The following FARS2 variants were observed in gnomAD, a reference collection of about 807,000 sequenced individuals.
FARS2 encodes the protein phenylalanyl-tRNA synthetase 2, mitochondrial, also known as phenylalanine--tRNA ligase, mitochondrial.
Under a neutral mutation model 46.4 loss-of-function variants are expected in FARS2, and 40 were observed. The observed-to-expected ratio is 0.86, with a 90% CI of 0.67 to 1.12. FARS2 has a LOEUF of 1.12. Ranked by LOEUF, FARS2 falls within the 50% of genes most tolerant of loss-of-function variation. FARS2 has a pLI of 0.00. For synonymous variants in FARS2, 234 were observed against 214.9 expected (o/e 1.09, Z -0.78); for missense variants, 513 against 567.9 (o/e 0.90, Z 0.98).
At chr6:5,566,399 A>G (rs1772326053) in intron 5 of FARS2, among the ~76,000 whole-genome samples, 2 of 152,150 alleles carry the variant, frequency 1.3e-5, no homozygotes, top group African/African-American at 4.8e-5. Flanking sequence ...AAACCATCAG[A>G]TAACACAAGC....
At chr6:5,290,662 C>T (rs994368678) in intron 1 of FARS2, among the ~76,000 whole-genome samples, 1 of 152,188 alleles carries the variant, frequency 6.6e-6, no homozygotes, top group African/African-American at 2.4e-5. Context: ...GGTAGTATTT[C>T]CCTTTTATCC....
chr6:5,318,387 C>CAAA (rs753113504), intron 1 of FARS2, among the ~76,000 whole-genome samples: 9,926 of 76,544 alleles, frequency 0.13, 540 homozygotes, highest in African/African-American at 0.2. Context: ...AAAAAAAAAC[C>CAAA]AAAAAAAAAA....
chr6:5,633,262 CTTTTTTTTTTTT>C (rs59797062), intron 6 of FARS2, among the ~76,000 whole-genome samples: 100 of 50,084 alleles, frequency 2.0e-3, no homozygotes, highest in African/African-American at 6.7e-3. Flanking sequence ...CCATCCCTGG[CTTTTTTTTTTTT>C]TTTTTTTTTT....
the FARS2 span, among the ~76,000 whole-genome samples, chr6:5,253,830 G>T: frequency 1.8e-5 from 1 of 54,426 alleles, no homozygotes; most frequent in Non-Finnish European, 3.1e-5. Context: ...GCCTCATGCT[G>T]AGCAAAAAAA....
At chr6:5,350,104 G>A (rs916054498) in intron 1 of FARS2, among the ~76,000 whole-genome samples, 1 of 151,616 alleles carries the variant, frequency 6.6e-6, no homozygotes, top group African/African-American at 2.4e-5. Context: ...GAATCAGCAA[G>A]GTTTGTTCGT....
rs760857089 is a variant in FARS2, at chr6:5,474,663, G to GTTTTTT, written c.904+43503_904+43508dup. ...AAAGGTACAATAAAAATACAGTACT[G>GTTTTTT]TTTTTTTTTTTTTTTTTGAGACAGT... On this transcript the variant is annotated intron_variant, in intron 4 of 6. Transcript: ENST00000274680. Among the ~76,000 whole-genome samples the GTTTTTT allele has an allele frequency of 8.5e-4, 114 of 133,916 alleles. 3 individuals are homozygous for GTTTTTT. Among genetic ancestry groups the GTTTTTT allele is most frequent in the Non-Finnish European group, 1.1e-3 (70 of 64,306 alleles). 87.9% of individuals were successfully genotyped at this position (133,916 alleles called of 152,430 possible).
intron 4 of FARS2, among the ~76,000 whole-genome samples, chr6:5,508,836 G>A (rs1443288147): frequency 6.6e-6 from 1 of 152,146 alleles, no homozygotes; most frequent in East Asian, 1.9e-4. Flanking sequence ...TTGAATCATA[G>A]TACTATCATT....
intron 6 of FARS2, among the ~76,000 whole-genome samples, chr6:5,749,473 C>G (rs950025741): frequency 6.3e-4 from 96 of 152,300 alleles, no homozygotes; most frequent in African/African-American, 2.1e-3. Flanking sequence ...CAGCCAGGGG[C>G]TTCTGTGTCA....
chr6:5,620,254 G>A (rs1417993926), intron 6 of FARS2, among the ~76,000 whole-genome samples: 7 of 152,054 alleles, frequency 4.6e-5, no homozygotes, highest in Admixed American at 6.6e-5. Context: ...AATATCTCCA[G>A]TGCCCCCTTG....
chr6:5,266,417 G>A (rs1242852893), intron 1 of FARS2, among the ~76,000 whole-genome samples: 2 of 152,146 alleles, frequency 1.3e-5, no homozygotes, highest in East Asian at 3.8e-4. Flanking sequence ...TGTAATCCCA[G>A]CACTGTGGGA....
intron 5 of FARS2, among the ~76,000 whole-genome samples, chr6:5,590,569 C>T (rs1029896693): frequency 1.2e-4 from 18 of 152,208 alleles, no homozygotes; most frequent in African/African-American, 4.1e-4. Flanking sequence ...CCCAGCATAG[C>T]ATCTGTTGAT....
At chr6:5,752,627 A>G (rs1009059993) in intron 6 of FARS2, among the ~76,000 whole-genome samples, 10 of 152,308 alleles carry the variant, frequency 6.6e-5, no homozygotes, top group Middle Eastern at 3.4e-3. Flanking sequence ...AGTTAGAAAC[A>G]TGCTTTCCCC....
intron 1 of FARS2, among the ~76,000 whole-genome samples, chr6:5,331,357 G>A (rs912404173): frequency 2.0e-5 from 3 of 152,154 alleles, no homozygotes; most frequent in Non-Finnish European, 2.9e-5. Context: ...AACCGGAGCC[G>A]TGGATCACAT....
At chr6:5,363,195 G>A (rs1221860854) in intron 1 of FARS2, among the ~76,000 whole-genome samples, 1 of 151,492 alleles carries the variant, frequency 6.6e-6, no homozygotes, top group Non-Finnish European at 1.5e-5. Context: ...CAAAGTGCTG[G>A]GATTACAGGC....
intron 5 of FARS2, among the ~76,000 whole-genome samples, chr6:5,550,716 C>T (rs1771321775): frequency 6.6e-6 from 1 of 152,172 alleles, no homozygotes; most frequent in African/African-American, 2.4e-5. Context: ...TGACAGTGTT[C>T]CTGATGGTAA....
At chr6:5,313,398 C>T (rs1189560252) in intron 1 of FARS2, among the ~76,000 whole-genome samples, 2 of 152,186 alleles carry the variant, frequency 1.3e-5, no homozygotes, top group African/African-American at 2.4e-5. Flanking sequence ...CATAAAGGCT[C>T]ATTGACGCAG....
chr6:5,740,635 C>T (rs142133790), intron 6 of FARS2, among the ~76,000 whole-genome samples: 5 of 152,270 alleles, frequency 3.3e-5, no homozygotes, highest in Non-Finnish European at 7.4e-5. Flanking sequence ...GATTGCTCAC[C>T]GCTTACCTGC....
At chr6:5,455,669 A>G (rs1453277981) in intron 4 of FARS2, among the ~76,000 whole-genome samples, 2 of 152,198 alleles carry the variant, frequency 1.3e-5, no homozygotes, top group African/African-American at 2.4e-5. Flanking sequence ...GCTCTTAATT[A>G]TAGGTCATTG....
At chr6:5,475,787 T>G (rs1487879137) in intron 4 of FARS2, among the ~76,000 whole-genome samples, 1 of 151,924 alleles carries the variant, frequency 6.6e-6, no homozygotes, top group Non-Finnish European at 1.5e-5. Context: ...GCTCAGAGAG[T>G]CCCTCTTCCA....
Sources: gnomAD v4.1 joint callset for allele counts (sites outside exome capture counted in the v4.1 genomes callset) on GRCh38, gnomAD v4.1.1 for gene constraint, MANE v1.5 for transcripts, NCBI Gene and HGNC (gene_info 2026-07-23, HGNC 2026-07-21) for gene names.